Variants in HMCN1 observed in about 807,000 individuals in gnomAD.
The protein encoded by HMCN1 is hemicentin 1.
HMCN1 carries 321 observed loss-of-function variants against 625.9 expected under a neutral mutation model. The observed-to-expected ratio is 0.51, with a 90% CI of 0.47 to 0.56. The LOEUF is 0.56. HMCN1 is among the 20% of genes least tolerant of loss of function. The pLI, the probability that HMCN1 is intolerant of heterozygous loss-of-function variation, is 0.00. For synonymous variants in HMCN1, 2,425 were observed against 2,417.6 expected, an observed-to-expected ratio of 1.00 and a Z score of -0.09; for missense variants, 6,588 against 6,887.3, an observed-to-expected ratio of 0.96 and a Z score of 1.54.
In HMCN1 at chr1:185,980,952, ATGAGTAAAT is replaced by A. The variant is rs1651588560; in HGVS notation, c.2567-25_2567-17del. ...GTTAATTCTCCATAGATGGTATTGG[ATGAGTAAAT>A]GAGTTCTTCCTTTTAGACTTATGGG... On this transcript the variant is annotated splice_polypyrimidine_tract_variant and intron_variant, in intron 16 of 106. Transcript: ENST00000271588. The A allele has an allele frequency of 7.8e-7, 1 of 1,289,428 alleles. No homozygotes were observed. The highest frequency in any genetic ancestry group is 1.2e-5 in the South Asian group (1 of 84,438). The allele number at this position is 1,289,428 out of a possible 1,614,324, so 79.9% of individuals were successfully genotyped here.
intron 1 of HMCN1, among the ~76,000 whole-genome samples, chr1:185,780,936 G>A (rs374753094): frequency 1.9e-4 from 29 of 151,810 alleles, no homozygotes; most frequent in Non-Finnish European, 3.7e-4. Context: ...CCAGCTCCTC[G>A]TTGTACCTCT....
At chr1:186,074,241 AT>A (rs1658657808) in intron 52 of HMCN1, among the ~76,000 whole-genome samples, 2 of 152,210 alleles carry the variant, frequency 1.3e-5, no homozygotes, top group South Asian at 4.1e-4. Flanking sequence ...AAAACATAAT[AT>A]AAATATCTTT....
intron 4 of HMCN1, among the ~76,000 whole-genome samples, chr1:185,866,259 T>C (rs1234012380): frequency 6.6e-6 from 1 of 151,840 alleles, no homozygotes; most frequent in Non-Finnish European, 1.5e-5. Flanking sequence ...CTGATGAGGT[T>C]TGGTTTCTAA....
intron 105 of HMCN1, among the ~76,000 whole-genome samples, chr1:186,184,328 C>T (rs1653140958): frequency 6.6e-6 from 1 of 152,152 alleles, no homozygotes; most frequent in South Asian, 2.1e-4. Flanking sequence ...CCAAAGACTG[C>T]TTTTTATTTG....
intron 11 of HMCN1, among the ~76,000 whole-genome samples, chr1:185,955,659 A>ACC (rs1461824310): frequency 4.6e-5 from 7 of 152,098 alleles, no homozygotes; most frequent in Non-Finnish European, 8.8e-5. Flanking sequence ...TGGGTTTTGA[A>ACC]TTTTCTCAGT....
chr1:185,829,508 G>A (rs1283287170), intron 1 of HMCN1, among the ~76,000 whole-genome samples: 2 of 152,074 alleles, frequency 1.3e-5, no homozygotes, highest in East Asian at 1.9e-4. Flanking sequence ...AAAATTCGGT[G>A]TTTGGTTTTC....
At position 186,114,111 on chromosome 1, in the gene HMCN1, G is replaced by A; in HGVS notation, c.11264G>A (p.Gly3755Glu). The stretch of plus-strand genomic sequence containing the variant: ...AGAAAGGATGGAGCTGTTCTAGCTG[G>A]GAATCATGCAAGGTAACCATACTGG... ...TWRKDGAVLA[G>E]NHARYSILEN... Residue 3755 changes from glycine to glutamate, a missense_variant, in exon 73 of 107, where the codon GGG (glycine) becomes GAG (glutamate). Gly to Glu is a moderately conservative substitution (Grantham distance 98). Transcript: ENST00000271588. 1 of 1,613,952 alleles carries A rather than the reference G, an allele frequency of 6.2e-7. No individual in the cohort carries two copies. Among genetic ancestry groups the A allele is most frequent in the Non-Finnish European group, 8.5e-7 (1 of 1,179,954 alleles).
chr1:186,172,008 G>A lies in HMCN1; in HGVS notation c.15691G>A (p.Val5231Met), dbSNP rs1417650581. ...ATTACCTTTGTTCTTTTATCAAGAT[G>A]TGAACGAGTGTAGACAAAATGTATG... is the stretch of plus-strand genomic sequence containing the variant. ...YQLKGRKCMD[V>M]NECRQNVCRP... Residue 5231 changes from valine to methionine, a missense_variant and splice_region_variant, in exon 102 of 107, where the codon GTG becomes ATG. Physicochemically the swap from Val to Met is conservative, Grantham distance 21. Transcript: ENST00000271588. The A allele has an allele frequency of 3.7e-6, 6 of 1,613,190 alleles. No individual in the cohort carries two copies. The highest frequency in any genetic ancestry group is 5.1e-6 in the Non-Finnish European group (6 of 1,179,306).
chr1:185,773,819 G>C (rs1191701326), intron 1 of HMCN1, among the ~76,000 whole-genome samples: 1 of 152,116 alleles, frequency 6.6e-6, no homozygotes, highest in Non-Finnish European at 1.5e-5. Context: ...ATTAGAGTAA[G>C]AGCTGTAAAA....
At chr1:185,887,522 T>G (rs1002946004) in intron 4 of HMCN1, among the ~76,000 whole-genome samples, 47 of 151,238 alleles carry the variant, frequency 3.1e-4, no homozygotes, top group African/African-American at 1.1e-3. Flanking sequence ...GTGATATCAT[T>G]GTTCAATTCC....
chr1:186,101,237 C>T (rs1179988190), intron 68 of HMCN1, among the ~76,000 whole-genome samples: 2 of 151,836 alleles, frequency 1.3e-5, no homozygotes, highest in Admixed American at 1.3e-4. Flanking sequence ...AAGGTGTATT[C>T]TGGAAATAAG....
rs768848014 is a variant in HMCN1, at chr1:186,093,174, C to G, written c.9928C>G (p.Leu3310Val). 1.9e-6 allele frequency: 3 copies of G among 1,613,342 alleles called. No homozygotes were observed. The Admixed American group carries it at 5.0e-5, about 27-fold the overall frequency. The change falls in exon 65 of 107, where the codon CTT becomes GTT. Residue 3310 changes from leucine (L) to valine (V), a missense_variant. Coordinates refer to ENST00000271588, the MANE Select transcript of HMCN1 (RefSeq NM_031935.3). ...NGSTLNIYGALTSDTGKYTCV... is the reference protein window; with the variant it reads ...NGSTLNIYGAVTSDTGKYTCV... ...CAGCACATTAAACATTTATGGAGCT[C>G]TTACATCTGACACGGGGAAATACAC...
Position 185,963,770 on chromosome 1 carries a change from A to G in HMCN1, c.1973A>G (p.Tyr658Cys), listed in dbSNP as rs370251638. 1.2e-4 allele frequency: 192 copies of G among 1,597,672 alleles called. No individual in the cohort carries two copies. Among genetic ancestry groups the G allele is most frequent in the Non-Finnish European group, 1.6e-4 (186 of 1,165,432 alleles). ...TTCTTTTTGTTTTTTATTCATAGGT[A>G]TAGGATGACCTCAGATGGTACCTTA... ...NDMFIVGSHR[Y>C]RMTSDGTLFI... The change falls in exon 13 of 107, where the codon TAT becomes TGT. Residue 658 changes from tyrosine (Y) to cysteine (C), a missense_variant and splice_region_variant. Tyr to Cys is a radical substitution (Grantham distance 194). This residue lies in a region of HMCN1 where 4,628 missense variants were observed against 4,853.1 expected (regional missense o/e 0.95). Coordinates refer to ENST00000271588, the MANE Select transcript of HMCN1 (RefSeq NM_031935.3).
chr1:185,774,955 A>G (rs189682723), intron 1 of HMCN1, among the ~76,000 whole-genome samples: 1 of 152,290 alleles, frequency 6.6e-6, no homozygotes, highest in Admixed American at 6.5e-5. Flanking sequence ...TGTGGGATAA[A>G]GTATGACTGA....
At position 186,189,728 on chromosome 1, in the gene HMCN1, C is replaced by A. The variant is rs780843676; in HGVS notation, c.16758C>A (p.Asn5586Lys). ...QTVPFALRDENLKGVVYTTRP... is the reference protein window; with the variant it reads ...QTVPFALRDEKLKGVVYTTRP... Reference sequence around the variant, plus strand: ...TTCCTTTTGCCTTGAGGGATGAAAACCTGAAAGGAGTGGTGTATACAACAC... The same window carrying A: ...TTCCTTTTGCCTTGAGGGATGAAAAACTGAAAGGAGTGGTGTATACAACAC... The change falls in exon 107 of 107, where the codon AAC (asparagine) becomes AAA (lysine). Residue 5586 changes from asparagine to lysine, a missense_variant. Around this residue, in one of 3 missense-constraint regions of HMCN1, gnomAD observed 1,954 missense variants for 2,013.1 expected, o/e 0.97. Transcript: ENST00000271588. 6.2e-6 allele frequency: 10 copies of A among 1,613,540 alleles called. No homozygotes were observed. The highest frequency in any genetic ancestry group is 1.3e-5 in the African/African-American group (1 of 74,984).
In HMCN1 at chr1:185,734,497, C is replaced by T; in HGVS notation, c.-283C>T. On this transcript the variant is annotated 5_prime_UTR_variant, in exon 1 of 107. Transcript: ENST00000271588. ...CCCGGGGCATGGACCCGACGCGCCG[C>T]CCGCACTCCGCCACAGGCTGTCCAG... 2.5e-6 allele frequency: 1 copy of T among 394,454 alleles called. No homozygotes were observed. The highest frequency in any genetic ancestry group is 3.6e-5 in the South Asian group (1 of 27,846). 24.4% of individuals were successfully genotyped at this position (394,454 alleles called of 1,614,324 possible).
At chr1:185,903,095 C>T (rs1404622776) in intron 4 of HMCN1, among the ~76,000 whole-genome samples, 3 of 151,776 alleles carry the variant, frequency 2.0e-5, no homozygotes, top group African/African-American at 7.2e-5. Flanking sequence ...TTTTCTCTCT[C>T]ATTTGTAACA....
intron 64 of HMCN1, among the ~76,000 whole-genome samples, chr1:186,092,556 A>C (rs1659898790): frequency 6.6e-6 from 1 of 151,998 alleles, no homozygotes; most frequent in South Asian, 2.1e-4. Context: ...ACAACCAATA[A>C]TGCAATAATC....
chr1:186,138,011 T>TTCTA, intron 89 of HMCN1, 39 bp downstream of exon 89: 4 of 1,608,272 alleles, frequency 2.5e-6, no homozygotes, highest in Non-Finnish European at 3.4e-6. Context: ...AACAAAACTT[T>TTCTA]TCTATCTTAA....
Sources: allele counts gnomAD v4.1 joint callset (sites outside exome capture counted in the v4.1 genomes callset), GRCh38; gene constraint gnomAD v4.1.1; regional missense constraint gnomAD v4.1.1; transcripts MANE v1.5; gene names NCBI Gene and HGNC (gene_info 2026-07-23, HGNC 2026-07-21).